LRRTM4: variants seen among roughly 807,000 people sequenced by gnomAD.
LRRTM4 encodes leucine rich repeat transmembrane neuronal 4.
LRRTM4 carries 25 observed loss-of-function variants against 47.6 expected under a neutral mutation model. The observed-to-expected ratio is 0.53, with a 90% confidence interval of 0.38 to 0.73. The LOEUF is 0.73. Among genes scored for constraint, LRRTM4 ranks in the 30% least tolerant of loss-of-function variants. LRRTM4 has a pLI of 0.00. For synonymous variants in LRRTM4, 311 were observed against 269.5 expected, an observed-to-expected ratio of 1.15 and a Z score of -1.51; for missense variants, 638 against 713.4, an observed-to-expected ratio of 0.89 and a Z score of 1.20.
chr2:76,793,892 A>AATT (rs1675114515), intron 3 of LRRTM4, among the ~76,000 whole-genome samples: 1 of 152,208 alleles, frequency 6.6e-6, no homozygotes, highest in Non-Finnish European at 1.5e-5. Flanking sequence ...TAGGGAATAC[A>AATT]GTATTAGTGG....
At chr2:76,990,128 G>T (rs72823154) in intron 3 of LRRTM4, among the ~76,000 whole-genome samples, 46,426 of 151,460 alleles carry the variant, frequency 0.31, 7,489 homozygotes, top group East Asian at 0.55. Context: ...TCTCAGGGTT[G>T]TTTTTGCAGG....
At chr2:76,768,714 T>G (rs987418603) in intron 3 of LRRTM4, among the ~76,000 whole-genome samples, 2 of 152,080 alleles carry the variant, frequency 1.3e-5, no homozygotes, top group African/African-American at 2.4e-5. Context: ...AAAAAATCCC[T>G]TATTATTTAT....
intron 3 of LRRTM4, among the ~76,000 whole-genome samples, chr2:77,159,024 C>A (rs537345866): frequency 6.6e-6 from 1 of 152,154 alleles, no homozygotes; most frequent in Non-Finnish European, 1.5e-5. Flanking sequence ...CTAAACCAGA[C>A]TTTATATCAC....
Position 77,179,268 on chromosome 2 carries a change from C to T in LRRTM4, c.1551+339050G>A, listed in dbSNP as rs189154264. Reference sequence around the variant, plus strand: ...AATTAACACGTCAGCAAGCAAATTCCCTGAAATATGATGGTAGCAGCTAGG... The same window carrying T: ...AATTAACACGTCAGCAAGCAAATTCTCTGAAATATGATGGTAGCAGCTAGG... On this transcript the variant is annotated intron_variant, in intron 3 of 3. Coordinates refer to ENST00000409884, the MANE Select transcript of LRRTM4 (RefSeq NM_001134745.3). Among the ~76,000 whole-genome samples, 365 of 152,092 alleles carry T rather than the reference C, an allele frequency of 2.4e-3. 2 individuals are homozygous for T. The highest frequency in any genetic ancestry group is 3.8e-3 in the Non-Finnish European group (257 of 67,986).
intron 3 of LRRTM4, among the ~76,000 whole-genome samples, chr2:76,793,637 C>T (rs141477082): frequency 1.4e-3 from 219 of 152,038 alleles, no homozygotes; most frequent in South Asian, 0.01. Flanking sequence ...CAGGAAAAAG[C>T]GCAAAAGAGG....
intron 3 of LRRTM4, among the ~76,000 whole-genome samples, chr2:76,893,686 G>C (rs1446424467): frequency 6.6e-6 from 1 of 151,690 alleles, no homozygotes; most frequent in Non-Finnish European, 1.5e-5. Context: ...TGAGAATATT[G>C]CCTGGCAAGT....
intron 3 of LRRTM4, among the ~76,000 whole-genome samples, chr2:76,829,690 C>T (rs1347627600): frequency 6.6e-6 from 1 of 151,954 alleles, no homozygotes; most frequent in Non-Finnish European, 1.5e-5. Flanking sequence ...AATTAATATG[C>T]TTCCCTCTTC....
chr2:76,885,055 A>G (rs1018525203), intron 3 of LRRTM4, among the ~76,000 whole-genome samples: 2 of 152,060 alleles, frequency 1.3e-5, no homozygotes, highest in African/African-American at 4.8e-5. Context: ...CTTATAATAA[A>G]TATTCCAAAA....
intron 3 of LRRTM4, among the ~76,000 whole-genome samples, chr2:77,152,399 GCT>G (rs1672453320): frequency 6.6e-6 from 1 of 152,004 alleles, no homozygotes; most frequent in Admixed American, 6.6e-5. Flanking sequence ...CACAATCTCG[GCT>G]CACTGCAACC....
At chr2:77,437,784 C>T (rs1209522953) in intron 3 of LRRTM4, among the ~76,000 whole-genome samples, 1 of 151,954 alleles carries the variant, frequency 6.6e-6, no homozygotes, top group Non-Finnish European at 1.5e-5. Context: ...ATGTTTTTCT[C>T]TCCTGAATGA....
rs143926406 is a variant in LRRTM4, at chr2:77,505,572, T to C, written c.1551+12746A>G. Among the ~76,000 whole-genome samples, 1,254 of 151,586 alleles carry C rather than the reference T, an allele frequency of 8.3e-3. 22 individuals carry two copies. Among genetic ancestry groups the C allele is most frequent in the African/African-American group, 0.028 (1,181 of 41,500 alleles). ...TTTAATGGTATTCTAGAAGATTTCC[T>C]CTTAATATGTAGAAGTATAATAAAT... On this transcript the variant is annotated intron_variant, in intron 3 of 3. Transcript: ENST00000409884.
At chr2:77,434,109 C>A (rs954467172) in intron 3 of LRRTM4, among the ~76,000 whole-genome samples, 2 of 151,996 alleles carry the variant, frequency 1.3e-5, no homozygotes, top group African/African-American at 4.8e-5. Flanking sequence ...ACTAAGTTTC[C>A]CACAGTGATA....
At chr2:77,151,127 GTGTGTGTGTGTGTGTATGTA>G (rs1481241020) in intron 3 of LRRTM4, among the ~76,000 whole-genome samples, 2 of 151,990 alleles carry the variant, frequency 1.3e-5, no homozygotes, top group Non-Finnish European at 2.9e-5. Context: ...ATGTGTGTGT[GTGTGTGTGTGTGTGTATGTA>G]TGTGTATATG....
chr2:77,223,587 C>G (rs1054436884), intron 3 of LRRTM4, among the ~76,000 whole-genome samples: 1 of 152,164 alleles, frequency 6.6e-6, no homozygotes, highest in African/African-American at 2.4e-5. Flanking sequence ...AGAGCCAAAT[C>G]ATGAGTGAAC....
chr2:77,298,013 G>T (rs778163146), intron 3 of LRRTM4, among the ~76,000 whole-genome samples: 7 of 152,144 alleles, frequency 4.6e-5, no homozygotes, highest in Non-Finnish European at 7.3e-5. Context: ...AAGCATGATG[G>T]ATGAGCATGT....
intron 3 of LRRTM4, among the ~76,000 whole-genome samples, chr2:76,804,044 G>A (rs902524177): frequency 1.3e-5 from 2 of 152,108 alleles, no homozygotes; most frequent in African/African-American, 4.8e-5. Flanking sequence ...ACAGCCTCTT[G>A]ATAGCTTGCA....
chr2:77,160,427 G>A (rs1013114340), intron 3 of LRRTM4, among the ~76,000 whole-genome samples: 3 of 151,914 alleles, frequency 2.0e-5, no homozygotes, highest in African/African-American at 7.3e-5. Flanking sequence ...CTGTGTTTGG[G>A]GGCATGTAAA....
chr2:77,228,780 T>C (rs1674884204), intron 3 of LRRTM4, among the ~76,000 whole-genome samples: 1 of 152,156 alleles, frequency 6.6e-6, no homozygotes, highest in African/African-American at 2.4e-5. Flanking sequence ...AACATAAAAT[T>C]TCAAAGCCAA....
At chr2:76,904,386 G>A (rs545081028) in intron 3 of LRRTM4, among the ~76,000 whole-genome samples, 1 of 152,294 alleles carries the variant, frequency 6.6e-6, no homozygotes, top group Admixed American at 6.5e-5. Context: ...AGAGTGGACA[G>A]GAAATCCTTC....
Sources: allele counts gnomAD v4.1 joint callset (sites outside exome capture counted in the v4.1 genomes callset), GRCh38; gene constraint gnomAD v4.1.1; transcripts MANE v1.5; gene names NCBI Gene and HGNC (gene_info 2026-07-23, HGNC 2026-07-21).